LYRM7: variants seen among roughly 807,000 people sequenced by gnomAD.
LYRM7 encodes complex III assembly factor LYRM7.
LYRM7 carries 9 observed loss-of-function variants against 15.8 expected under a neutral mutation model. The observed-to-expected ratio is 0.57, with a 90% CI of 0.34 to 0.99. LYRM7 has a LOEUF of 0.99. Among genes scored for constraint, LYRM7 ranks in the 50% least tolerant of loss-of-function variants. The probability of loss-of-function intolerance (pLI) is 0.02; values close to 1 mark genes in which losing one functional copy is unlikely to be tolerated. For missense variants in LYRM7, 115 were observed against 119.1 expected (o/e 0.97, Z 0.16); for synonymous variants, 39 against 39.4 (o/e 0.99, Z 0.04).
At chr5:131,171,269 T>C (rs754235019) in intron 1 of LYRM7, among the ~76,000 whole-genome samples, 9 of 152,066 alleles carry the variant, frequency 5.9e-5, no homozygotes, top group Non-Finnish European at 8.8e-5. Context: ...GGTACTAACT[T>C]GGTACTCAGT....
chr5:131,186,770 A>G (rs1394614585), intron 3 of LYRM7, among the ~76,000 whole-genome samples: 1 of 152,228 alleles, frequency 6.6e-6, no homozygotes, highest in Non-Finnish European at 1.5e-5. Flanking sequence ...CATCCCAGAC[A>G]GGCTGGAGCA....
At chr5:131,194,579 T>G (rs1162152595) in intron 4 of LYRM7, among the ~76,000 whole-genome samples, 4 of 152,210 alleles carry the variant, frequency 2.6e-5, no homozygotes, top group Admixed American at 2.6e-4. Flanking sequence ...TCTGTTTTGC[T>G]GGCAGGAGTA....
chr5:131,187,037 A>G lies in LYRM7; in HGVS notation c.172A>G (p.Ile58Val). 1 of 1,545,420 alleles carries G rather than the reference A, an allele frequency of 6.5e-7. No individual in the cohort carries two copies. Among genetic ancestry groups the G allele is most frequent in the Non-Finnish European group, 8.8e-7 (1 of 1,134,260 alleles). The change falls in exon 4 of 5, where the codon ATA becomes GTA. Residue 58 changes from isoleucine to valine, a missense_variant. Coordinates refer to ENST00000379380, the MANE Select transcript of LYRM7 (RefSeq NM_181705.4). ...TTGGTTTTCTTAACAGCTAATGAAA[A>G]TAGGTTCTGATGTTGAATTATTACT... ...SSKKIEELMK[I>V]GSDVELLLRT...
intron 4 of LYRM7, among the ~76,000 whole-genome samples, chr5:131,192,705 T>C (rs995316122): frequency 3.3e-5 from 5 of 152,226 alleles, no homozygotes; most frequent in Non-Finnish European, 5.9e-5. Flanking sequence ...TCTTTCCAAA[T>C]ATTTTCTGCT....
chr5:131,179,474 T>TTTTTTTTTTTTTTGTTTTTTTTTTC (rs1755656398), intron 1 of LYRM7, among the ~76,000 whole-genome samples: 1 of 23,492 alleles, frequency 4.3e-5, no homozygotes, highest in East Asian at 2.5e-3. Context: ...TTTTTTTTTC[T>TTTTTTTTTTTTTTGTTTTTTTTTTC]TTTTTTTTTT....
intron 1 of LYRM7, among the ~76,000 whole-genome samples, chr5:131,174,067 A>T (rs1050887382): frequency 6.6e-6 from 1 of 152,248 alleles, no homozygotes; most frequent in Non-Finnish European, 1.5e-5. Flanking sequence ...ATTGGATTCA[A>T]TCCTCTCAAC....
At chr5:131,181,416 T>TATATATATATAAAACATATATATG (rs201410685) in intron 2 of LYRM7, among the ~76,000 whole-genome samples, 8 of 113,100 alleles carry the variant, frequency 7.1e-5, no homozygotes, top group African/African-American at 3.5e-4. Flanking sequence ...CATATATATG[T>TATATATATATAAAACATATATATG]TTATATATAT....
intron 4 of LYRM7, among the ~76,000 whole-genome samples, chr5:131,194,985 C>T (rs1413723626): frequency 1.3e-5 from 2 of 152,096 alleles, no homozygotes; most frequent in South Asian, 2.1e-4. Flanking sequence ...TAAAATTGGC[C>T]GGGATCGCTG....
At chr5:131,180,590 A>G (rs1258093946) in intron 2 of LYRM7, among the ~76,000 whole-genome samples, 1 of 152,198 alleles carries the variant, frequency 6.6e-6, no homozygotes, top group Non-Finnish European at 1.5e-5. Context: ...CCCTGTTTTA[A>G]GTAGTTTCTA....
At chr5:131,172,677 G>A (rs1392263063) in intron 1 of LYRM7, among the ~76,000 whole-genome samples, 2 of 151,968 alleles carry the variant, frequency 1.3e-5, no homozygotes, top group African/African-American at 2.4e-5. Flanking sequence ...GTCCAACAAG[G>A]GTGACAACAA....
At chr5:131,187,212 C>A in intron 4 of LYRM7, 103 bp downstream of exon 4, 1 of 663,468 alleles carries the variant, frequency 1.5e-6, no homozygotes, top group South Asian at 1.9e-5. Flanking sequence ...CTTGATTTTG[C>A]CAGACAATAT....
chr5:131,173,248 C>A (rs1755550047), intron 1 of LYRM7, among the ~76,000 whole-genome samples: 1 of 152,220 alleles, frequency 6.6e-6, no homozygotes. Flanking sequence ...AGCCTCTACA[C>A]ATTACTCAAT....
In LYRM7 at chr5:131,202,775, T is replaced by G. The variant is rs1756096459; in HGVS notation, c.*3174T>G. On this transcript the variant is annotated 3_prime_UTR_variant, in exon 5 of 5. Coordinates refer to ENST00000379380, the MANE Select transcript of LYRM7 (RefSeq NM_181705.4). ...TTTTGCTTTGACTATTGAGATCTAG[T>G]GAAAGTGGGGTATATGAATTCTAAT... 2.0e-5 allele frequency: 3 copies of G among 152,290 alleles called. No homozygotes were observed. The South Asian group carries it at 6.2e-4, about 32-fold the overall frequency. The allele number at this position is 152,290 out of a possible 1,614,324, so 9.4% of individuals were successfully genotyped here. A position where few individuals can be genotyped will look rare whatever the true frequency, so the allele number is the denominator to read the frequency against.
rs189566729 is a variant in LYRM7 at position 131,198,965 on chromosome 5, A to G, written c.245-566A>G. Among the ~76,000 whole-genome samples, 155 of 152,230 alleles carry G rather than the reference A, an allele frequency of 1.0e-3. 2 individuals carry two copies. Among genetic ancestry groups the G allele is most frequent in the African/African-American group, 3.6e-3 (148 of 41,548 alleles). ...TGTTGTTGTTTTATGATATTTCTCAATGTGGGCACTATTGGCATTTTTGAC... is the reference window on the plus strand; with the variant it reads ...TGTTGTTGTTTTATGATATTTCTCAGTGTGGGCACTATTGGCATTTTTGAC... On this transcript the variant is annotated intron_variant, in intron 4 of 4. Coordinates refer to ENST00000379380, the MANE Select transcript of LYRM7 (RefSeq NM_181705.4).
chr5:131,172,893 G>A (rs972998572), intron 1 of LYRM7, among the ~76,000 whole-genome samples: 1 of 152,168 alleles, frequency 6.6e-6, no homozygotes, highest in Non-Finnish European at 1.5e-5. Flanking sequence ...ATCAGTATAA[G>A]TAAATGAGGA....
intron 3 of LYRM7, among the ~76,000 whole-genome samples, chr5:131,184,812 C>T (rs1158467974): frequency 3.9e-5 from 6 of 152,102 alleles, no homozygotes; most frequent in Non-Finnish European, 2.9e-5. Flanking sequence ...CTCTGCCCTG[C>T]TAAGCCCCTT....
At chr5:131,180,074 G>A (rs752988600) in intron 1 of LYRM7, 21 bp from the exon 2 acceptor site, 1 of 1,582,052 alleles carries the variant, frequency 6.3e-7, no homozygotes, top group South Asian at 1.1e-5. Flanking sequence ...GCCCAACCTT[G>A]AATTCTGATT....
At position 131,199,556 on chromosome 5, in the gene LYRM7, T is replaced by C; in HGVS notation, c.270T>C (p.Leu90=). 1 of 1,606,170 alleles carries C rather than the reference T, an allele frequency of 6.2e-7. No individual in the cohort carries two copies. ...AACTGGTCCCTAGGAAAGACCTTCT[T>C]GTAGAAAATGTGCCATATTGTGATG... The part of the protein sequence containing the change: ...TLKLVPRKDL[L]VENVPYCDAP... Residue 90 remains leucine (L), a synonymous_variant, in exon 5 of 5, where the codon CTT becomes CTC. Transcript: ENST00000379380.
intron 3 of LYRM7, 137 bp downstream of exon 3, chr5:131,182,436 C>A (rs1320840626): frequency 1.2e-6 from 1 of 849,940 alleles, no homozygotes; most frequent in Non-Finnish European, 1.6e-6. Context: ...ATAACCTTCA[C>A]TTATTTGGTA....
Sources: gnomAD v4.1 joint callset for allele counts (sites outside exome capture counted in the v4.1 genomes callset) on GRCh38, gnomAD v4.1.1 for gene constraint, MANE v1.5 for transcripts, NCBI Gene and HGNC (gene_info 2026-07-23, HGNC 2026-07-21) for gene names.